The following QTMAN variants were observed in gnomAD, a reference collection of about 807,000 sequenced individuals.
QTMAN encodes queuosine-tRNA mannosyltransferase.
the QTMAN span, among the ~76,000 whole-genome samples, chr2:143,969,749 T>G: frequency 6.6e-6 from 1 of 152,114 alleles, no homozygotes; most frequent in African/African-American, 2.4e-5. Context: ...GCCTGGTGTC[T>G]TAGGAGAACT....
At chr2:144,295,867 T>C in the QTMAN span, among the ~76,000 whole-genome samples, 2 of 152,190 alleles carry the variant, frequency 1.3e-5, no homozygotes, top group African/African-American at 4.8e-5. Flanking sequence ...CCCAAAGTGC[T>C]AGGATGACGG....
the QTMAN span, among the ~76,000 whole-genome samples, chr2:144,106,742 T>A: frequency 5.6e-4 from 86 of 152,342 alleles, no homozygotes; most frequent in African/African-American, 2.0e-3. Context: ...AACTCAGCTC[T>A]GCACCAAGTG....
At chr2:144,248,375 G>A in the QTMAN span, among the ~76,000 whole-genome samples, 3 of 152,096 alleles carry the variant, frequency 2.0e-5, no homozygotes, top group South Asian at 6.2e-4. Flanking sequence ...TTCTCTCTGT[G>A]CTTTTCTGGT....
At chr2:144,322,625 T>C in the QTMAN span, among the ~76,000 whole-genome samples, 1 of 152,166 alleles carries the variant, frequency 6.6e-6, no homozygotes, top group African/African-American at 2.4e-5. Context: ...CACACAAATA[T>C]GTAGTGAAAC....
At chr2:144,308,659 A>G in the QTMAN span, among the ~76,000 whole-genome samples, 4 of 152,326 alleles carry the variant, frequency 2.6e-5, no homozygotes, top group South Asian at 8.3e-4. Flanking sequence ...ACAACCTGGT[A>G]TTAATCAAAG....
chr2:143,993,477 C>A, the QTMAN span, among the ~76,000 whole-genome samples: 1 of 151,604 alleles, frequency 6.6e-6, no homozygotes, highest in Non-Finnish European at 1.5e-5. Flanking sequence ...CTTCGAACAT[C>A]TGGGTGGGCC....
the QTMAN span, among the ~76,000 whole-genome samples, chr2:144,129,076 A>C: frequency 2.0e-5 from 3 of 151,840 alleles, no homozygotes; most frequent in Admixed American, 6.6e-5. Context: ...AAATAATTAT[A>C]ATATGCACTT....
chr2:144,000,056 C>T, the QTMAN span, among the ~76,000 whole-genome samples: 1 of 151,962 alleles, frequency 6.6e-6, no homozygotes, highest in Non-Finnish European at 1.5e-5. Context: ...GGAAAACAGT[C>T]AACAAGGCAC....
the QTMAN span, among the ~76,000 whole-genome samples, chr2:144,016,718 C>T: frequency 4.6e-5 from 7 of 152,070 alleles, no homozygotes; most frequent in Admixed American, 1.3e-4. Context: ...TCTTTCCAAA[C>T]AAATATAAGA....
chr2:144,324,617 G>A, the QTMAN span, among the ~76,000 whole-genome samples: 7 of 152,214 alleles, frequency 4.6e-5, no homozygotes, highest in South Asian at 1.4e-3. Flanking sequence ...CTCAGGCAAT[G>A]ACCTAGGAAT....
At chr2:144,192,227 C>T in the QTMAN span, among the ~76,000 whole-genome samples, 2 of 152,052 alleles carry the variant, frequency 1.3e-5, no homozygotes, top group Non-Finnish European at 2.9e-5. Context: ...CTGCCTCAGC[C>T]TCCCAAGTAG....
At chr2:144,184,003 C>G in the QTMAN span, among the ~76,000 whole-genome samples, 4 of 152,148 alleles carry the variant, frequency 2.6e-5, no homozygotes, top group African/African-American at 9.7e-5. Context: ...AGCGGCAATA[C>G]GCACGGCTCG....
chr2:144,207,982 C>T, the QTMAN span, among the ~76,000 whole-genome samples: 1 of 152,058 alleles, frequency 6.6e-6, no homozygotes, highest in African/African-American at 2.4e-5. Flanking sequence ...TCCTGAGTAA[C>T]TGAGACCAGA....
chr2:144,290,966 GAT>G, the QTMAN span, among the ~76,000 whole-genome samples: 2 of 152,328 alleles, frequency 1.3e-5, no homozygotes, highest in South Asian at 4.1e-4. Context: ...GGAAGTCAAA[GAT>G]CAAGGTGTCG....
chr2:144,319,953 T>C, the QTMAN span: 6 of 152,240 alleles, frequency 3.9e-5, no homozygotes, highest in African/African-American at 9.6e-5. Context: ...TCATGACTGA[T>C]AGTAATTTAT....
the QTMAN span, among the ~76,000 whole-genome samples, chr2:144,166,947 T>C: frequency 6.6e-6 from 1 of 152,176 alleles, no homozygotes; most frequent in Admixed American, 6.6e-5. Flanking sequence ...TACCACTCCA[T>C]CCTATTCTCT....
the QTMAN span, among the ~76,000 whole-genome samples, chr2:144,116,668 T>C: frequency 6.6e-6 from 1 of 152,216 alleles, no homozygotes; most frequent in South Asian, 2.1e-4. Context: ...AAGAGAAATA[T>C]ACTCGAGCAA....
At chr2:144,257,377 C>T in the QTMAN span, among the ~76,000 whole-genome samples, 3 of 151,514 alleles carry the variant, frequency 2.0e-5, no homozygotes, top group African/African-American at 7.3e-5. Context: ...CTCCAGAAAA[C>T]ATGTCTATAC....
chr2:144,029,994 A>T, the QTMAN span, among the ~76,000 whole-genome samples: 15 of 152,178 alleles, frequency 9.9e-5, no homozygotes, highest in Admixed American at 8.5e-4. Flanking sequence ...TTCTAAAGAG[A>T]TTCATGACAT....
Sources: allele counts gnomAD v4.1 joint callset (sites outside exome capture counted in the v4.1 genomes callset), GRCh38; gene constraint gnomAD v4.1.1; transcripts MANE v1.5; gene names NCBI Gene and HGNC (gene_info 2026-07-23, HGNC 2026-07-21).